RBM39: variants seen among roughly 807,000 people sequenced by gnomAD.
RBM39 encodes RNA binding motif protein 39.
A neutral mutation model predicts 79.6 loss-of-function variants in RBM39; 12 were observed. That is an observed-to-expected ratio of 0.15 (90% CI 0.10 to 0.24). The LOEUF is 0.24. Ranked by LOEUF, RBM39 falls within the 10% of genes least tolerant of loss-of-function variation. RBM39 has a pLI of 1.00. For missense variants in RBM39, 243 were observed against 653.4 expected (o/e 0.37, Z 6.85); for synonymous variants, 185 against 208.4 (o/e 0.89, Z 0.97).
At position 35,733,845 on chromosome 20, in the gene RBM39, C is replaced by T. The variant is rs550017179; in HGVS notation, c.102-1710G>A. On this transcript the variant is annotated intron_variant, in intron 3 of 16. Coordinates refer to ENST00000253363, the MANE Select transcript of RBM39 (RefSeq NM_184234.3). ...TAAAAACCAAAAAAGCCAAACATAT[C>T]TTTCTGCTCACTTCCGTAGTCTTCA... is the stretch of plus-strand genomic sequence containing the variant. Among the ~76,000 whole-genome samples, 14 of 152,274 alleles carry T rather than the reference C, an allele frequency of 9.2e-5. No individual in the cohort carries two copies. The East Asian group carries it at 2.3e-3, about 25-fold the overall frequency.
In RBM39 at chr20:35,702,090, G is replaced by A. The variant is rs548654125; in HGVS notation, c.*2391C>T. 3 of 152,174 alleles carry A rather than the reference G, an allele frequency of 2.0e-5. No individual in the cohort carries two copies. In the South Asian group the frequency reaches 6.2e-4, roughly 31 times the overall value. The allele number at this position is 152,174 out of a possible 1,614,324, so 9.4% of individuals were successfully genotyped here. The stretch of plus-strand genomic sequence containing the variant: ...TTTGATGATAAAAAGCTTCTGTAAT[G>A]AGGCAGTTGTCCATCTCACCTGCCC... On this transcript the variant is annotated 3_prime_UTR_variant, in exon 17 of 17. Coordinates refer to ENST00000253363, the MANE Select transcript of RBM39 (RefSeq NM_184234.3).
At chr20:35,717,937 C>T (rs1056141760) in intron 9 of RBM39, among the ~76,000 whole-genome samples, 3 of 152,100 alleles carry the variant, frequency 2.0e-5, no homozygotes, top group South Asian at 2.1e-4. Context: ...TGGCTCACTG[C>T]GAGCTCTGCC....
intron 3 of RBM39, among the ~76,000 whole-genome samples, chr20:35,733,604 C>G (rs562373410): frequency 7.1e-6 from 1 of 140,186 alleles, no homozygotes; most frequent in Admixed American, 7.0e-5. Context: ...GCAAGACTGT[C>G]TCCAAAAAAA....
intron 14 of RBM39, among the ~76,000 whole-genome samples, chr20:35,705,813 C>T (rs545789947): frequency 1.2e-4 from 18 of 151,606 alleles, no homozygotes; most frequent in Admixed American, 9.9e-4. Flanking sequence ...TTAAAAGATA[C>T]AGATAGGGCT....
chr20:35,716,354 A>T (rs1600451079), intron 10 of RBM39, among the ~76,000 whole-genome samples: 1 of 152,296 alleles, frequency 6.6e-6, no homozygotes, highest in South Asian at 2.1e-4. Context: ...GATTACAGGC[A>T]TAAGCCACCG....
At chr20:35,711,322 T>A (rs1485707573) in intron 12 of RBM39, among the ~76,000 whole-genome samples, 1 of 152,126 alleles carries the variant, frequency 6.6e-6, no homozygotes, top group Non-Finnish European at 1.5e-5. Context: ...CCTTTCAAAC[T>A]GTAATAATAA....
At chr20:35,720,668 G>A (rs2146592494) in intron 9 of RBM39, among the ~76,000 whole-genome samples, 1 of 152,224 alleles carries the variant, frequency 6.6e-6, no homozygotes, top group African/African-American at 2.4e-5. Flanking sequence ...CTACTCGGAA[G>A]GCTAAAGCAA....
intron 6 of RBM39, among the ~76,000 whole-genome samples, chr20:35,727,553 G>A (rs1245971066): frequency 1.3e-5 from 2 of 151,840 alleles, no homozygotes; most frequent in Non-Finnish European, 2.9e-5. Context: ...TCAGCTTACT[G>A]CAACCCTTGC....
At chr20:35,726,188 G>A (rs1362226051) in intron 6 of RBM39, among the ~76,000 whole-genome samples, 1 of 152,060 alleles carries the variant, frequency 6.6e-6, no homozygotes, top group Non-Finnish European at 1.5e-5. Context: ...CTGGAGTGCA[G>A]TGGCGCAATC....
chr20:35,741,083 G>C (rs1422698856), intron 1 of RBM39, among the ~76,000 whole-genome samples, 196 bp from the exon 2 acceptor site: 2 of 111,172 alleles, frequency 1.8e-5, no homozygotes, highest in East Asian at 2.9e-4. Flanking sequence ...TGCCCAGGCT[G>C]AAGTGCAGTA....
chr20:35,716,575 C>CT (rs2037162113), intron 10 of RBM39, among the ~76,000 whole-genome samples, 165 bp downstream of exon 10: 2 of 151,894 alleles, frequency 1.3e-5, no homozygotes, highest in Admixed American at 1.3e-4. Context: ...GTGAAAAAAA[C>CT]TTTTTTGATC....
At position 35,725,135 on chromosome 20, in the gene RBM39, G is replaced by A; in HGVS notation, c.437C>T (p.Thr146Ile). Reference sequence around the variant, plus strand: ...TGTCCTTGCATCTCTTTCCTCAGGAGTTAAATTATCAATAGGTTCTCTAAT... The same window carrying A: ...TGTCCTTGCATCTCTTTCCTCAGGAATTAAATTATCAATAGGTTCTCTAAT... Reference protein sequence around the residue: ...SPVREPIDNLTPEERDARTVF... With the variant: ...SPVREPIDNLIPEERDARTVF... Residue 146 changes from threonine (T) to isoleucine (I), a missense_variant, in exon 7 of 17, where the codon ACT becomes ATT. By Grantham distance (89) the Thr-to-Ile change is moderately conservative. Coordinates refer to ENST00000253363, the MANE Select transcript of RBM39 (RefSeq NM_184234.3). The A allele has an allele frequency of 1.9e-6, 3 of 1,608,196 alleles. No homozygotes were observed. Among genetic ancestry groups the A allele is most frequent in the Non-Finnish European group, 2.5e-6 (3 of 1,177,480 alleles).
At chr20:35,734,948 C>G (rs776716939) in intron 3 of RBM39, 3 of 1,602,488 alleles carry the variant, frequency 1.9e-6, no homozygotes, top group Non-Finnish European at 2.5e-6. Flanking sequence ...TACTGAACAT[C>G]ACTGAAGTAA....
intron 8 of RBM39, among the ~76,000 whole-genome samples, chr20:35,723,517 C>A (rs2038258858): frequency 6.6e-6 from 1 of 152,188 alleles, no homozygotes; most frequent in Non-Finnish European, 1.5e-5. Flanking sequence ...TGCCTCACTG[C>A]AACCTCTGCC....
In RBM39 at chr20:35,722,805, G is replaced by GC. The variant is rs1328791134; in HGVS notation, c.688-929dup. On this transcript the variant is annotated intron_variant, in intron 8 of 16. Coordinates refer to ENST00000253363, the MANE Select transcript of RBM39 (RefSeq NM_184234.3). ...AAAAATTAGCCGGGCGTGGTGGCAGGCACCTGTAGTCTCAGCTACTTGAGA... is the reference window on the plus strand; with the variant it reads ...AAAAATTAGCCGGGCGTGGTGGCAGGCCACCTGTAGTCTCAGCTACTTGAGA... Among the ~76,000 whole-genome samples, 34 of 152,012 alleles carry GC rather than the reference G, an allele frequency of 2.2e-4. 1 individual carries two copies. Among genetic ancestry groups the GC allele is most frequent in the African/African-American group, 8.2e-4 (34 of 41,474 alleles).
At chr20:35,707,372 G>A (rs976884381) in intron 13 of RBM39, 171 bp from the exon 14 acceptor site, 7 of 408,880 alleles carry the variant, frequency 1.7e-5, no homozygotes, top group Non-Finnish European at 3.1e-5. Context: ...TAGCTTTTAG[G>A]TGCCAGAAAA....
intron 13 of RBM39, chr20:35,707,505 T>G (rs2035889646): frequency 4.7e-6 from 1 of 211,940 alleles, no homozygotes; most frequent in African/African-American, 2.4e-5. Flanking sequence ...TACACATCAA[T>G]CCAAACAGAT....
chr20:35,717,634 A>G (rs1003904152), intron 9 of RBM39, among the ~76,000 whole-genome samples: 3 of 152,230 alleles, frequency 2.0e-5, no homozygotes, highest in African/African-American at 4.8e-5. Flanking sequence ...ACGTTCAATC[A>G]GTGAACTGTA....
chr20:35,722,413 AAT>A (rs1417175731), intron 8 of RBM39, among the ~76,000 whole-genome samples: 91 of 113,386 alleles, frequency 8.0e-4, no homozygotes, highest in Non-Finnish European at 5.9e-4. Context: ...TCTCAAAAAA[AAT>A]AAAAATAAAA....
Sources: gnomAD v4.1 joint callset for allele counts (sites outside exome capture counted in the v4.1 genomes callset) on GRCh38, gnomAD v4.1.1 for gene constraint, MANE v1.5 for transcripts, NCBI Gene and HGNC (gene_info 2026-07-23, HGNC 2026-07-21) for gene names.